Variants in PRR5L observed in about 807,000 individuals in gnomAD.
The protein encoded by PRR5L is proline rich 5 like, also known as proline-rich protein 5-like.
Under a neutral mutation model 36.4 loss-of-function variants are expected in PRR5L, and 21 were observed. The ratio of observed to expected loss-of-function variants is 0.58; its 90% confidence interval spans 0.41 to 0.83. The LOEUF (loss-of-function observed/expected upper bound fraction) is 0.83. Among genes scored for constraint, PRR5L ranks in the 40% least tolerant of loss-of-function variants. PRR5L has a pLI of 0.00. For missense variants in PRR5L, 381 were observed against 473.3 expected (o/e 0.80, Z 1.81); for synonymous variants, 188 against 197.0 (o/e 0.95, Z 0.38).
At position 36,418,790 on chromosome 11, in the gene PRR5L, T is replaced by C. The variant is rs559008323; in HGVS notation, c.246-465T>C. Among the ~76,000 whole-genome samples the C allele has an allele frequency of 2.6e-5, 4 of 152,182 alleles. No homozygotes were observed. In the South Asian group the frequency reaches 8.3e-4, roughly 32 times the overall value. ...CAGCCTGGGAGACAGAGCGAGACTC[T>C]GTCTCAAAAAAATAATAATAATAAA... On this transcript the variant is annotated intron_variant, in intron 3 of 8. Coordinates refer to ENST00000530639, the MANE Select transcript of PRR5L (RefSeq NM_001160167.2).
chr11:36,439,105 G>A (rs1474316976), intron 6 of PRR5L, among the ~76,000 whole-genome samples: 1 of 152,182 alleles, frequency 6.6e-6, no homozygotes. Context: ...ACCTGCATTT[G>A]TAGGTGGACA....
At chr11:36,391,546 C>A (rs1236941510) in intron 1 of PRR5L, among the ~76,000 whole-genome samples, 3 of 140,572 alleles carry the variant, frequency 2.1e-5, no homozygotes, top group African/African-American at 7.8e-5. Context: ...CTGAAGTTAA[C>A]CCTTTCAGCA....
intron 1 of PRR5L, among the ~76,000 whole-genome samples, chr11:36,323,941 G>A (rs182615580): frequency 3.3e-5 from 5 of 152,306 alleles, no homozygotes; most frequent in Non-Finnish European, 7.4e-5. Flanking sequence ...TGGCAAGGAT[G>A]TGGAACAACT....
chr11:36,341,146 T>C (rs185739670), intron 1 of PRR5L, among the ~76,000 whole-genome samples: 181 of 152,018 alleles, frequency 1.2e-3, no homozygotes, highest in African/African-American at 4.3e-3. Context: ...TCCACGGTGG[T>C]CGCCCATCCT....
intron 5 of PRR5L, 152 bp from the exon 6 acceptor site, chr11:36,437,233 C>T: frequency 1.4e-6 from 1 of 736,328 alleles, no homozygotes; most frequent in Non-Finnish European, 2.5e-6. Context: ...AGCACCACAC[C>T]TCTGCTCTCT....
chr11:36,445,241 T>A (rs1858803829), intron 6 of PRR5L, among the ~76,000 whole-genome samples: 1 of 152,186 alleles, frequency 6.6e-6, no homozygotes, highest in South Asian at 2.1e-4. Flanking sequence ...TAATGATGTC[T>A]TTGGTTCTAC....
intron 4 of PRR5L, among the ~76,000 whole-genome samples, chr11:36,430,992 G>T (rs143712469): frequency 6.6e-6 from 1 of 152,246 alleles, no homozygotes; most frequent in Non-Finnish European, 1.5e-5. Context: ...CATAGGCCTG[G>T]GTAATCTAAT....
intron 1 of PRR5L, among the ~76,000 whole-genome samples, chr11:36,367,660 G>A (rs138904280): frequency 1.5e-4 from 23 of 152,178 alleles, no homozygotes; most frequent in African/African-American, 5.3e-4. Context: ...CTGGACCCTG[G>A]ACCCCACTAT....
chr11:36,308,252 G>A (rs1856455605), intron 1 of PRR5L, among the ~76,000 whole-genome samples: 1 of 152,208 alleles, frequency 6.6e-6, no homozygotes, highest in Non-Finnish European at 1.5e-5. Flanking sequence ...GCCATTCTGT[G>A]TCTTTGCCAA....
intron 3 of PRR5L, among the ~76,000 whole-genome samples, chr11:36,405,495 A>G (rs1227782168): frequency 1.3e-5 from 2 of 152,226 alleles, no homozygotes; most frequent in Admixed American, 6.5e-5. Flanking sequence ...GTTGAGTCCC[A>G]GAAAATGCTA....
chr11:36,334,696 A>G (rs1276439742), intron 1 of PRR5L, among the ~76,000 whole-genome samples: 1 of 152,032 alleles, frequency 6.6e-6, no homozygotes, highest in Non-Finnish European at 1.5e-5. Flanking sequence ...ACAGTTCGTA[A>G]TTTTATATTT....
intron 1 of PRR5L, among the ~76,000 whole-genome samples, chr11:36,336,573 T>C (rs957598780): frequency 2.0e-5 from 3 of 148,038 alleles, no homozygotes; most frequent in Admixed American, 6.9e-5. Context: ...CTAGCGCTGG[T>C]ATGTCAGGGA....
Position 36,401,192 on chromosome 11 carries a change from C to A in PRR5L, c.71C>A (p.Pro24Gln), listed in dbSNP as rs570136912. The change falls in exon 2 of 9, where the codon CCG (proline) becomes CAG (glutamine). Residue 24 changes from proline to glutamine, a missense_variant. Transcript: ENST00000530639. ...HKMGSFRRPR[P>Q]RFMSSPVLSD... Reference sequence around the variant, plus strand: ...ATGGGCTCCTTCCGCAGGCCTAGACCGCGCTTCATGAGCTCCCCCGTGCTC... The same window carrying A: ...ATGGGCTCCTTCCGCAGGCCTAGACAGCGCTTCATGAGCTCCCCCGTGCTC... The A allele has an allele frequency of 1.9e-6, 3 of 1,614,108 alleles. No individual in the cohort carries two copies. The highest frequency in any genetic ancestry group is 2.2e-5 in the South Asian group (2 of 91,086).
chr11:36,309,055 G>A (rs1856466849), intron 1 of PRR5L, among the ~76,000 whole-genome samples: 2 of 152,192 alleles, frequency 1.3e-5, no homozygotes, highest in African/African-American at 4.8e-5. Context: ...AAATTTGAGG[G>A]CATTCAGCAA....
Position 36,419,283 on chromosome 11 carries a change from T to C in PRR5L, c.274T>C (p.Phe92Leu). 6.2e-7 allele frequency: 1 copy of C among 1,614,142 alleles called. No individual in the cohort carries two copies. The highest frequency in any genetic ancestry group is 8.5e-7 in the Non-Finnish European group (1 of 1,179,960). ...GCTGTTGAAGAGTGAACTTGGATCA[T>C]TCATTACAGACTATTTTCAGGTAAG... is the stretch of plus-strand genomic sequence containing the variant. ...RRLLKSELGSFITDYFQNQLL... is the reference protein window; with the variant it reads ...RRLLKSELGSLITDYFQNQLL... Residue 92 changes from phenylalanine to leucine, a missense_variant, in exon 4 of 9, where the codon TTC (phenylalanine) becomes CTC (leucine). Coordinates refer to ENST00000530639, the MANE Select transcript of PRR5L (RefSeq NM_001160167.2).
rs111805508 is a variant in PRR5L at position 36,376,006 on chromosome 11, G to A, written c.-125-24991G>A. The A allele has an allele frequency of 1.6e-3, 755 of 466,110 alleles. 4 individuals are homozygous for A. The highest frequency in any genetic ancestry group is 0.014 in the African/African-American group (697 of 49,348). 28.9% of individuals were successfully genotyped at this position (466,110 alleles called of 1,614,324 possible). ...CTTGGCTTGGCAGTTTCCCATTGCG[G>A]GGCAGCTGGGCCGGGGGCGGGGGTC... On this transcript the variant is annotated intron_variant, in intron 1 of 8. Transcript: ENST00000530639.
intron 1 of PRR5L, among the ~76,000 whole-genome samples, chr11:36,327,042 G>A (rs1382755168): frequency 6.6e-6 from 1 of 152,172 alleles, no homozygotes; most frequent in African/African-American, 2.4e-5. Context: ...TGGACAAGCA[G>A]AATAATTCTT....
At chr11:36,298,779 G>A (rs1856342218) in intron 1 of PRR5L, among the ~76,000 whole-genome samples, 1 of 152,226 alleles carries the variant, frequency 6.6e-6, no homozygotes, top group African/African-American at 2.4e-5. Context: ...AGATCAAGGT[G>A]TTGGAAGGTT....
At chr11:36,298,299 A>G (rs1856335521) in intron 1 of PRR5L, among the ~76,000 whole-genome samples, 1 of 152,182 alleles carries the variant, frequency 6.6e-6, no homozygotes, top group African/African-American at 2.4e-5. Flanking sequence ...ATTCAAGTGC[A>G]TTACATTTAT....
Sources: gnomAD v4.1 joint callset for allele counts (sites outside exome capture counted in the v4.1 genomes callset) on GRCh38, gnomAD v4.1.1 for gene constraint, MANE v1.5 for transcripts, NCBI Gene and HGNC (gene_info 2026-07-23, HGNC 2026-07-21) for gene names.